Variants in RSAD2 observed in about 807,000 individuals in gnomAD.
RSAD2 encodes radical S-adenosyl methionine domain containing 2.
A neutral mutation model predicts 37.7 loss-of-function variants in RSAD2; 38 were observed. The ratio of observed to expected loss-of-function variants is 1.01; its 90% CI spans 0.78 to 1.32. The LOEUF (loss-of-function observed/expected upper bound fraction) is 1.32. RSAD2 is among the 40% of genes most tolerant of loss of function. RSAD2 has a pLI of 0.00. For synonymous variants in RSAD2, 163 were observed against 157.4 expected, an observed-to-expected ratio of 1.04 and a Z score of -0.27; for missense variants, 428 against 437.5, an observed-to-expected ratio of 0.98 and a Z score of 0.19.
exon 1 of RSAD2, chr2:6,865,940 G>C (rs557496822): frequency 1.5e-6 from 2 of 1,339,318 alleles, no homozygotes; most frequent in African/African-American, 1.6e-5. Context: ...GGGAGCAGAC[G>C]CTTGGCCCCG....
chr2:6,893,739 A>T, intron 5 of RSAD2, 36 bp downstream of exon 5: 1 of 1,431,258 alleles, frequency 7.0e-7, no homozygotes, highest in Non-Finnish European at 9.8e-7. Context: ...ATTAAAACTT[A>T]ATTAATTAAT....
upstream of RSAD2, among the ~76,000 whole-genome samples, chr2:6,873,644 T>A (rs1489893532): frequency 3.9e-5 from 6 of 152,224 alleles, no homozygotes; most frequent in Non-Finnish European, 8.8e-5. Flanking sequence ...CTTTTCGAAG[T>A]CTTCTGATTA....
chr2:6,866,820 A>C (rs1663102199), intron 1 of RSAD2, among the ~76,000 whole-genome samples: 1 of 24,844 alleles, frequency 4.0e-5, no homozygotes, highest in African/African-American at 5.1e-5. Flanking sequence ...AGCTGAAAGC[A>C]GTTTTTTTTT....
At chr2:6,882,699 G>A (rs370498688) in intron 1 of RSAD2, among the ~76,000 whole-genome samples, 6 of 152,248 alleles carry the variant, frequency 3.9e-5, no homozygotes, top group Admixed American at 6.5e-5. Context: ...TAGGACACCC[G>A]GTCTTGAAAT....
At chr2:6,881,490 G>T (rs1303068823) in intron 1 of RSAD2, among the ~76,000 whole-genome samples, 3 of 152,208 alleles carry the variant, frequency 2.0e-5, no homozygotes, top group Non-Finnish European at 4.4e-5. Context: ...TTCAGCAAGT[G>T]TTTAACCTTT....
chr2:6,872,304 G>C (rs1003958539), intron 1 of RSAD2, among the ~76,000 whole-genome samples: 3 of 152,162 alleles, frequency 2.0e-5, no homozygotes, highest in Non-Finnish European at 4.4e-5. Context: ...AGAAGAACAA[G>C]AGTTCTTTGG....
chr2:6,884,305 A>C (rs1462280022), intron 2 of RSAD2, among the ~76,000 whole-genome samples: 1 of 152,124 alleles, frequency 6.6e-6, no homozygotes, highest in Non-Finnish European at 1.5e-5. Context: ...TGTGGGTTGG[A>C]GGGTCCATCT....
rs779140066 is a variant in RSAD2 at position 6,877,935 on chromosome 2, G to C, written c.135G>C (p.Lys45Asn). The C allele has an allele frequency of 3.1e-6, 5 of 1,614,002 alleles. No homozygotes were observed. Among genetic ancestry groups the C allele is most frequent in the Non-Finnish European group, 4.2e-6 (5 of 1,180,022 alleles). ...LRATFWLLAT[K>N]RRKQQLVLRG... ...CAACCTTCTGGCTGCTAGCTACCAAGAGGAGAAAGCAGCAGCTGGTCCTGA... is the reference window on the plus strand; with the variant it reads ...CAACCTTCTGGCTGCTAGCTACCAACAGGAGAAAGCAGCAGCTGGTCCTGA... Residue 45 changes from lysine to asparagine, a missense_variant, in exon 1 of 6, where the codon AAG (lysine) becomes AAC (asparagine). Transcript: ENST00000382040.
intron 4 of RSAD2, among the ~76,000 whole-genome samples, chr2:6,891,611 C>CA (rs1337686523): frequency 1.3e-5 from 2 of 151,922 alleles, no homozygotes; most frequent in Admixed American, 1.3e-4. Flanking sequence ...ACTGAAAATA[C>CA]AAAAAATTAG....
intron 2 of RSAD2, among the ~76,000 whole-genome samples, chr2:6,886,305 A>G (rs1166980869): frequency 1.3e-5 from 2 of 152,256 alleles, no homozygotes; most frequent in African/African-American, 4.8e-5. Context: ...TCCCAAAACG[A>G]CACGCTGTCA....
intron 3 of RSAD2, among the ~76,000 whole-genome samples, chr2:6,888,934 C>T (rs750637249): frequency 1.3e-5 from 2 of 152,210 alleles, no homozygotes; most frequent in Non-Finnish European, 1.5e-5. Flanking sequence ...AATGAGCATG[C>T]GTGATTACTC....
rs760116163 is a variant in RSAD2, at chr2:6,878,014, C to A, written c.214C>A (p.Pro72Thr). The A allele has an allele frequency of 5.0e-6, 8 of 1,614,218 alleles. No homozygotes were observed. In the East Asian group the frequency reaches 1.8e-4, roughly 36 times the overall value. The change falls in exon 1 of 6, where the codon CCA becomes ACA. Residue 72 changes from proline (P) to threonine (T), a missense_variant. Pro to Thr is a conservative substitution (Grantham distance 38). Coordinates refer to ENST00000382040, the MANE Select transcript of RSAD2 (RefSeq NM_080657.5). ...EEEDPPLPTT[P>T]TSVNYHFTRQ... Reference sequence around the variant, plus strand: ...AGAGGACCCTCCTCTGCCCACCACCCCAACCAGCGTCAACTATCACTTCAC... The same window carrying A: ...AGAGGACCCTCCTCTGCCCACCACCACAACCAGCGTCAACTATCACTTCAC...
intron 3 of RSAD2, 72 bp downstream of exon 3, chr2:6,887,236 TG>T (rs1422362644): frequency 3.5e-6 from 4 of 1,154,088 alleles, no homozygotes; most frequent in Non-Finnish European, 5.1e-6. Context: ...TCAATGAAAC[TG>T]AAAACAATAC....
chr2:6,894,607 C>A (rs1663701468), intron 5 of RSAD2, among the ~76,000 whole-genome samples: 1 of 152,180 alleles, frequency 6.6e-6, no homozygotes, highest in Non-Finnish European at 1.5e-5. Context: ...GCTGGTACTA[C>A]AGATGTGCAC....
chr2:6,884,708 G>A (rs1663481212), intron 2 of RSAD2, among the ~76,000 whole-genome samples: 1 of 152,166 alleles, frequency 6.6e-6, no homozygotes, highest in Non-Finnish European at 1.5e-5. Flanking sequence ...TCAGCAGCAT[G>A]GAGACAATAG....
chr2:6,872,051 A>G (rs979612653), intron 1 of RSAD2, among the ~76,000 whole-genome samples: 13 of 152,160 alleles, frequency 8.5e-5, no homozygotes, highest in African/African-American at 3.1e-4. Flanking sequence ...AAATGAATAG[A>G]TGGGGTGGAT....
At chr2:6,877,421 CAAT>C (rs1663304368), upstream of RSAD2, among the ~76,000 whole-genome samples, 1 of 152,172 alleles carries the variant, frequency 6.6e-6, no homozygotes, top group Non-Finnish European at 1.5e-5. Context: ...CAAGAGAAAG[CAAT>C]GCAACAAGTA....
upstream of RSAD2, among the ~76,000 whole-genome samples, chr2:6,876,390 A>T (rs1663281631): frequency 6.6e-6 from 1 of 152,130 alleles, no homozygotes. Flanking sequence ...TGCTGACCTA[A>T]CCTTTGAGAC....
rs147256744 is a variant in RSAD2, at chr2:6,883,474, C to T, written c.450C>T (p.Pro150=). The T allele has an allele frequency of 2.2e-5, 36 of 1,613,994 alleles. No homozygotes were observed. In the African/African-American group the frequency reaches 4.4e-4, roughly 20 times the overall value. The stretch of plus-strand genomic sequence containing the variant: ...TCTGCAAAGTAGAGTTGCGGCTGCC[C>T]AGCGTGAGCATCGTGAGCAATGGAA... ...VRFCKVELRL[P]SVSIVSNGSL... The change falls in exon 2 of 6, where the codon CCC becomes CCT. Residue 150 remains proline, a synonymous_variant. Coordinates refer to ENST00000382040, the MANE Select transcript of RSAD2 (RefSeq NM_080657.5).
Sources: gnomAD v4.1 joint callset for allele counts (sites outside exome capture counted in the v4.1 genomes callset) on GRCh38, gnomAD v4.1.1 for gene constraint, MANE v1.5 for transcripts, NCBI Gene and HGNC (gene_info 2026-07-23, HGNC 2026-07-21) for gene names.